Variants in PPM1L observed in about 807,000 individuals in gnomAD.
PPM1L encodes the protein protein phosphatase, Mg2+/Mn2+ dependent 1L.
A neutral mutation model predicts 31.4 loss-of-function variants in PPM1L; 13 were observed. That is an observed-to-expected ratio of 0.41 (90% confidence interval 0.27 to 0.66). The LOEUF (loss-of-function observed/expected upper bound fraction) is 0.66. PPM1L is among the 30% of genes least tolerant of loss of function. PPM1L has a pLI of 0.29. For missense variants in PPM1L, 326 were observed against 453.7 expected (o/e 0.72, Z 2.56); for synonymous variants, 184 against 175.4 (o/e 1.05, Z -0.39).
intron 2 of PPM1L, among the ~76,000 whole-genome samples, chr3:161,010,002 C>A (rs973108947): frequency 6.6e-6 from 1 of 152,074 alleles, no homozygotes; most frequent in Non-Finnish European, 1.5e-5. Context: ...TTTTATGTCT[C>A]TATTCTAATT....
At chr3:160,970,449 T>C (rs920188033) in intron 2 of PPM1L, among the ~76,000 whole-genome samples, 324 of 140,226 alleles carry the variant, frequency 2.3e-3, no homozygotes, top group African/African-American at 9.1e-3. Context: ...AGCTGAATAT[T>C]TTTTTTTTTT....
At chr3:161,022,733 C>T (rs1413181711) in intron 2 of PPM1L, among the ~76,000 whole-genome samples, 1 of 141,544 alleles carries the variant, frequency 7.1e-6, no homozygotes, top group Non-Finnish European at 1.5e-5. Context: ...GCACAATCTT[C>T]GCTCACTGCA....
rs190132590 is a variant in PPM1L, at chr3:161,029,671, T to C, written c.575-35732T>C. Among the ~76,000 whole-genome samples, 32 of 152,280 alleles carry C rather than the reference T, an allele frequency of 2.1e-4. No homozygotes were observed. The East Asian group carries it at 6.2e-3, about 29-fold the overall frequency. The stretch of plus-strand genomic sequence containing the variant: ...CCATTTTTTTCTTGACTTTGCTGTT[T>C]ATCAGTACCCCCAGGAGCTCATTTT... On this transcript the variant is annotated intron_variant, in intron 2 of 3. Coordinates refer to ENST00000498165, the MANE Select transcript of PPM1L (RefSeq NM_139245.4).
At position 160,939,502 on chromosome 3, in the gene PPM1L, C is replaced by T. The variant is rs140260738; in HGVS notation, c.400-22234C>T. Among the ~76,000 whole-genome samples the T allele has an allele frequency of 4.2e-3, 642 of 152,240 alleles. 4 individuals are homozygous for T. Among genetic ancestry groups the T allele is most frequent in the African/African-American group, 0.015 (616 of 41,542 alleles). Reference sequence around the variant, plus strand: ...TGAGTTGTATCTCCCAGAATTCCCACGTGTTGCGGAAGGGTCCCAGGGAGA... The same window carrying T: ...TGAGTTGTATCTCCCAGAATTCCCATGTGTTGCGGAAGGGTCCCAGGGAGA... On this transcript the variant is annotated intron_variant, in intron 1 of 3. Coordinates refer to ENST00000498165, the MANE Select transcript of PPM1L (RefSeq NM_139245.4).
chr3:161,022,543 A>G (rs1011343206), intron 2 of PPM1L: 3 of 169,128 alleles, frequency 1.8e-5, no homozygotes, highest in African/African-American at 7.1e-5. Flanking sequence ...ATCACTGTTT[A>G]GCATCCTTGT....
At chr3:161,066,257 T>C (rs1261073536) in intron 3 of PPM1L, among the ~76,000 whole-genome samples, 1 of 152,228 alleles carries the variant, frequency 6.6e-6, no homozygotes, top group Non-Finnish European at 1.5e-5. Flanking sequence ...CCTTATTCAT[T>C]CATTCATTGG....
At chr3:160,898,328 C>T (rs1230740843) in intron 1 of PPM1L, among the ~76,000 whole-genome samples, 1 of 152,092 alleles carries the variant, frequency 6.6e-6, no homozygotes, top group East Asian at 1.9e-4. Flanking sequence ...TTCTTAAGTC[C>T]AGAAAGGTCA....
intron 1 of PPM1L, among the ~76,000 whole-genome samples, chr3:160,927,455 CCTTTA>C (rs761395808): frequency 3.3e-5 from 5 of 150,298 alleles, no homozygotes; most frequent in South Asian, 2.1e-4. Context: ...TTTTTTTCTT[CCTTTA>C]CTTTATAGCT....
At chr3:161,001,519 A>G (rs1280946165) in intron 2 of PPM1L, among the ~76,000 whole-genome samples, 1 of 152,106 alleles carries the variant, frequency 6.6e-6, no homozygotes, top group Non-Finnish European at 1.5e-5. Flanking sequence ...GGCCTCAAGT[A>G]ATTCGCCCCC....
intron 1 of PPM1L, among the ~76,000 whole-genome samples, chr3:160,806,077 C>T (rs1712593100): frequency 6.6e-6 from 1 of 152,170 alleles, no homozygotes; most frequent in African/African-American, 2.4e-5. Context: ...ATTTGCATTA[C>T]TAGTCTGAGC....
chr3:160,833,454 T>A (rs1056830384), intron 1 of PPM1L, among the ~76,000 whole-genome samples: 2 of 152,204 alleles, frequency 1.3e-5, no homozygotes, highest in African/African-American at 4.8e-5. Context: ...GTTTTTTGAC[T>A]TTTTAATAAT....
At chr3:161,036,948 G>A (rs768687721) in intron 2 of PPM1L, among the ~76,000 whole-genome samples, 4 of 151,980 alleles carry the variant, frequency 2.6e-5, no homozygotes, top group East Asian at 1.9e-4. Flanking sequence ...TTTTTGAATC[G>A]TAAAAAAGGT....
At chr3:160,885,566 C>T (rs2108041328) in intron 1 of PPM1L, among the ~76,000 whole-genome samples, 1 of 152,330 alleles carries the variant, frequency 6.6e-6, no homozygotes, top group South Asian at 2.1e-4. Context: ...CTGGCATGAT[C>T]CACGAAGAGG....
At chr3:160,897,808 T>A (rs1423624328) in intron 1 of PPM1L, among the ~76,000 whole-genome samples, 1 of 152,234 alleles carries the variant, frequency 6.6e-6, no homozygotes, top group African/African-American at 2.4e-5. Flanking sequence ...TGGTGAATAT[T>A]CATTTTTGCA....
At chr3:161,029,283 A>G (rs894331041) in intron 2 of PPM1L, among the ~76,000 whole-genome samples, 2 of 152,202 alleles carry the variant, frequency 1.3e-5, no homozygotes, top group Non-Finnish European at 2.9e-5. Context: ...TTAGTGAACA[A>G]ATGAAGTTGA....
At chr3:160,838,248 T>G (rs529851272) in intron 1 of PPM1L, among the ~76,000 whole-genome samples, 1 of 152,226 alleles carries the variant, frequency 6.6e-6, no homozygotes, top group East Asian at 1.9e-4. Context: ...GATAATGAAA[T>G]GAATAGATCT....
chr3:160,844,135 G>A (rs1050353948), intron 1 of PPM1L, among the ~76,000 whole-genome samples: 6 of 152,212 alleles, frequency 3.9e-5, no homozygotes, highest in Non-Finnish European at 8.8e-5. Flanking sequence ...TAGGTGATCT[G>A]AATGTATTAC....
At chr3:160,786,913 G>A (rs960167121) in intron 1 of PPM1L, among the ~76,000 whole-genome samples, 7 of 152,088 alleles carry the variant, frequency 4.6e-5, no homozygotes, top group Non-Finnish European at 7.4e-5. Flanking sequence ...TCATGTTGCC[G>A]CAAAGGACAT....
chr3:161,016,354 G>T (rs752757493), intron 2 of PPM1L, among the ~76,000 whole-genome samples: 69 of 152,216 alleles, frequency 4.5e-4, no homozygotes, highest in Non-Finnish European at 8.4e-4. Context: ...TAAGGAGCTT[G>T]TAGTCTTGTG....
Sources: gnomAD v4.1 joint callset for allele counts (sites outside exome capture counted in the v4.1 genomes callset) on GRCh38, gnomAD v4.1.1 for gene constraint, MANE v1.5 for transcripts, NCBI Gene and HGNC (gene_info 2026-07-23, HGNC 2026-07-21) for gene names.